Variants in EPM2A observed in about 807,000 individuals in gnomAD.
The protein encoded by EPM2A is laforin.
EPM2A carries 21 observed loss-of-function variants against 26.5 expected under a neutral mutation model. The ratio of observed to expected loss-of-function variants is 0.79; its 90% CI spans 0.56 to 1.14. The LOEUF (loss-of-function observed/expected upper bound fraction) is 1.14, where lower values mean the gene tolerates loss of function less well. Among genes scored for constraint, EPM2A ranks in the 50% most tolerant of loss-of-function variants. The probability of loss-of-function intolerance (pLI) is 0.00; values close to 1 mark genes in which losing one functional copy is unlikely to be tolerated. For synonymous variants in EPM2A, 217 were observed against 177.6 expected, an observed-to-expected ratio of 1.22 and a Z score of -1.76; for missense variants, 458 against 440.8, an observed-to-expected ratio of 1.04 and a Z score of -0.35.
At chr6:145,550,115 C>T (rs769958191) in intron 2 of EPM2A, among the ~76,000 whole-genome samples, 3 of 152,078 alleles carry the variant, frequency 2.0e-5, no homozygotes, top group Admixed American at 6.6e-5. Flanking sequence ...CTGCTGATTA[C>T]TTCAAACTGA....
chr6:145,435,037 T>C (rs1366109463), intron 4 of EPM2A, among the ~76,000 whole-genome samples: 2 of 152,158 alleles, frequency 1.3e-5, no homozygotes, highest in Non-Finnish European at 2.9e-5. Flanking sequence ...CCTTCCACCA[T>C]AAGTAAAAGC....
intron 1 of EPM2A, among the ~76,000 whole-genome samples, chr6:145,726,792 T>A (rs902809425): frequency 1.3e-5 from 2 of 152,114 alleles, no homozygotes; most frequent in African/African-American, 4.8e-5. Flanking sequence ...ACAGTCATAA[T>A]AAATGTAATG....
intron 4 of EPM2A, among the ~76,000 whole-genome samples, chr6:145,441,149 C>G (rs1183936074): frequency 2.0e-5 from 3 of 152,236 alleles, no homozygotes; most frequent in Non-Finnish European, 4.4e-5. Flanking sequence ...AATCACAATT[C>G]TTGACTTTCA....
chr6:145,430,516 G>A (rs916219933), intron 4 of EPM2A, among the ~76,000 whole-genome samples: 7 of 151,858 alleles, frequency 4.6e-5, no homozygotes, highest in South Asian at 2.1e-4. Flanking sequence ...CAGGAGAATC[G>A]CTTGAACCTG....
Position 145,510,694 on chromosome 6 carries a change from AAAAC to A in EPM2A, c.341-8123_341-8120del, listed in dbSNP as rs1007556165. 6.6e-5 allele frequency among the ~76,000 whole-genome samples: 10 copies of A among 152,144 alleles called. 1 individual carries two copies. The highest frequency in any genetic ancestry group is 1.3e-4 in the Non-Finnish European group (9 of 68,006). On this transcript the variant is annotated intron_variant, in intron 2 of 3. Coordinates refer to the EPM2A transcript ENST00000450221. ...TGCATCTAACAGAATTACAAAAACA[AAAAC>A]AAACAAAAAAATAAAACCAAAAAGA...
At chr6:145,418,264 C>T (rs1471804696) in intron 4 of EPM2A, among the ~76,000 whole-genome samples, 1 of 152,202 alleles carries the variant, frequency 6.6e-6, no homozygotes, top group African/African-American at 2.4e-5. Context: ...GATGCAAATT[C>T]CCACAAATTC....
At chr6:145,496,893 G>A (rs148244367), downstream of EPM2A, among the ~76,000 whole-genome samples, 12,825 of 151,758 alleles carry the variant, frequency 0.085, 639 homozygotes, top group East Asian at 0.17. Context: ...GCCCGCCACC[G>A]CGCCCGGCTA....
intron 1 of EPM2A, among the ~76,000 whole-genome samples, chr6:145,716,993 C>A (rs1775665484): frequency 6.6e-6 from 1 of 152,132 alleles, no homozygotes; most frequent in African/African-American, 2.4e-5. Context: ...GTCTTCCCAA[C>A]CCCTTTCTTC....
chr6:145,661,063 G>C (rs1380066100), intron 2 of EPM2A, among the ~76,000 whole-genome samples: 1 of 152,130 alleles, frequency 6.6e-6, no homozygotes, highest in Non-Finnish European at 1.5e-5. Context: ...CACAGCAACA[G>C]AGGCCCTGAA....
intron 4 of EPM2A, among the ~76,000 whole-genome samples, chr6:145,439,249 T>G (rs1467771627): frequency 6.6e-6 from 1 of 152,234 alleles, no homozygotes; most frequent in Non-Finnish European, 1.5e-5. Context: ...TCTTTGATAT[T>G]TTGAATAATG....
chr6:145,417,074 G>C (rs991899226), intron 4 of EPM2A, among the ~76,000 whole-genome samples: 1 of 152,162 alleles, frequency 6.6e-6, no homozygotes, highest in South Asian at 2.1e-4. Context: ...AGGTGATATT[G>C]AGACCTTGTT....
At chr6:145,464,966 TC>T (rs1053228815) in intron 4 of EPM2A, among the ~76,000 whole-genome samples, 1 of 152,148 alleles carries the variant, frequency 6.6e-6, no homozygotes, top group Non-Finnish European at 1.5e-5. Context: ...GTGTTGCTCT[TC>T]CCGAGGAGTA....
chr6:145,657,617 T>G (rs1479613382), intron 2 of EPM2A, among the ~76,000 whole-genome samples: 7 of 152,190 alleles, frequency 4.6e-5, no homozygotes, highest in Admixed American at 4.6e-4. Context: ...TCTTAATTAT[T>G]TGTTCTGTAA....
intron 2 of EPM2A, among the ~76,000 whole-genome samples, chr6:145,656,309 C>G (rs1778278529): frequency 6.6e-6 from 1 of 152,166 alleles, no homozygotes; most frequent in African/African-American, 2.4e-5. Flanking sequence ...TGCCAGGAAG[C>G]CAGCTCAGGC....
chr6:145,456,462 A>G (rs1468653382), intron 4 of EPM2A, among the ~76,000 whole-genome samples: 1 of 152,328 alleles, frequency 6.6e-6, no homozygotes, highest in African/African-American at 2.4e-5. Flanking sequence ...AGAAAGAGAG[A>G]CAGAGAGAAA....
At position 145,627,450 on chromosome 6, in the gene EPM2A, A is replaced by T. The variant is rs772620616; in HGVS notation, c.962T>A (p.Phe321Tyr). The T allele has an allele frequency of 6.2e-7, 1 of 1,614,188 alleles. No homozygotes were observed. Among genetic ancestry groups the T allele is most frequent in the East Asian group, 2.2e-5 (1 of 44,878 alleles). The change falls in exon 4 of 4, where the codon TTT (phenylalanine) becomes TAT (tyrosine). Residue 321 changes from phenylalanine (F) to tyrosine (Y), a missense_variant. By Grantham distance (22) the Phe-to-Tyr change is conservative. Transcript: ENST00000367519. ...ACACACAGAAGAACGAACCTTCCCAAATTTCTGGAAAAAATCTTCTTGTGC... is the reference window on the plus strand; with the variant it reads ...ACACACAGAAGAACGAACCTTCCCATATTTCTGGAAAAAATCTTCTTGTGC... ...ARAQEDFFQKFGKVRSSVCSL is the reference protein window; with the variant it reads ...ARAQEDFFQKYGKVRSSVCSL
At chr6:145,506,508 C>T (rs2114757684) in intron 2 of EPM2A, among the ~76,000 whole-genome samples, 1 of 151,714 alleles carries the variant, frequency 6.6e-6, no homozygotes, top group African/African-American at 2.4e-5. Context: ...TGTATATACA[C>T]AAGATAGAAT....
intron 4 of EPM2A, among the ~76,000 whole-genome samples, chr6:145,439,379 A>T (rs1042591669): frequency 6.6e-6 from 1 of 152,174 alleles, no homozygotes; most frequent in African/African-American, 2.4e-5. Flanking sequence ...TCTTTGAGGA[A>T]TCACCACTCT....
At chr6:145,563,130 G>C (rs1395648436) in intron 2 of EPM2A, among the ~76,000 whole-genome samples, 1 of 151,790 alleles carries the variant, frequency 6.6e-6, no homozygotes, top group Non-Finnish European at 1.5e-5. Context: ...TGCAGTTAGA[G>C]GGTGGGGCCC....
Sources: gnomAD v4.1 joint callset for allele counts (sites outside exome capture counted in the v4.1 genomes callset) on GRCh38, gnomAD v4.1.1 for gene constraint, MANE v1.5 for transcripts, NCBI Gene and HGNC (gene_info 2026-07-23, HGNC 2026-07-21) for gene names.